Variants in HCRTR1 observed in about 807,000 individuals in gnomAD.
The protein encoded by HCRTR1 is orexin/Hypocretin receptor type 1.
A neutral mutation model predicts 40.6 loss-of-function variants in HCRTR1; 28 were observed. That is an observed-to-expected ratio of 0.69 (90% CI 0.51 to 0.95). HCRTR1 has a LOEUF of 0.95. Ranked by LOEUF, HCRTR1 falls within the 40% of genes least tolerant of loss-of-function variation. HCRTR1 has a pLI of 0.00. For missense variants in HCRTR1, 482 were observed against 564.7 expected (o/e 0.85, Z 1.48); for synonymous variants, 209 against 230.0 (o/e 0.91, Z 0.83).
At position 31,623,526 on chromosome 1, in the gene HCRTR1, C is replaced by T; in HGVS notation, c.742C>T (p.Pro248Ser). The stretch of plus-strand genomic sequence containing the variant: ...TGTCTCTATGTGTGCTGGACAGATC[C>T]CCGGCACCACCTCAGCACTGGTGCG... The part of the protein sequence containing the change: ...IFRKLWGRQI[P>S]GTTSALVRNW... The change falls in exon 7 of 9, where the codon CCC becomes TCC. Residue 248 changes from proline to serine, a missense_variant. Coordinates refer to ENST00000403528, the MANE Select transcript of HCRTR1 (RefSeq NM_001525.3). The T allele has an allele frequency of 6.2e-7, 1 of 1,611,520 alleles. No homozygotes were observed. The highest frequency in any genetic ancestry group is 8.5e-7 in the Non-Finnish European group (1 of 1,179,114).
chr1:31,632,062 A>G (rs1640119741), downstream of HCRTR1, among the ~76,000 whole-genome samples: 1 of 152,196 alleles, frequency 6.6e-6, no homozygotes, highest in Non-Finnish European at 1.5e-5. Context: ...CAGGGTCCCA[A>G]AAGTTGGGAA....
At chr1:31,622,278 G>C (rs764797416) in intron 6 of HCRTR1, among the ~76,000 whole-genome samples, 2 of 152,068 alleles carry the variant, frequency 1.3e-5, no homozygotes, top group Non-Finnish European at 2.9e-5. Flanking sequence ...CTGGATTGGC[G>C]TCTGGGCGGT....
At chr1:31,630,968 G>A (rs1640084285), downstream of HCRTR1, 10 of 793,912 alleles carry the variant, frequency 1.3e-5, no homozygotes, top group Non-Finnish European at 2.1e-5. Flanking sequence ...CACAAAGAGG[G>A]TAGAGAAATC....
At position 31,624,448 on chromosome 1, in the gene HCRTR1, C is replaced by CAAAAAAAAAAAAAAAAAAAAAAAAAA. The variant is rs11438872; in HGVS notation, c.966-526_966-525insAAAAAAAAAAAAAAAAAAAAAAAAAA. ...TCCAGCCTGGGTGACACAGCTGTCT[C>CAAAAAAAAAAAAAAAAAAAAAAAAAA]AAAAAAAAAAAAAAAAAAAAAAAGC... is the stretch of plus-strand genomic sequence containing the variant. On this transcript the variant is annotated intron_variant, in intron 7 of 8. Coordinates refer to ENST00000403528, the MANE Select transcript of HCRTR1 (RefSeq NM_001525.3). Among the ~76,000 whole-genome samples the CAAAAAAAAAAAAAAAAAAAAAAAAAA allele has an allele frequency of 1.8e-5, 2 of 111,046 alleles. 1 individual carries two copies. Among genetic ancestry groups the CAAAAAAAAAAAAAAAAAAAAAAAAAA allele is most frequent in the Non-Finnish European group, 3.3e-5 (2 of 60,742 alleles). The allele number at this position is 111,046 out of a possible 152,430, so 72.9% of individuals were successfully genotyped here. A position where few individuals can be genotyped will look rare whatever the true frequency, so the allele number is the denominator to read the frequency against.
At chr1:31,622,257 G>A (rs1029277892) in intron 6 of HCRTR1, among the ~76,000 whole-genome samples, 3 of 152,140 alleles carry the variant, frequency 2.0e-5, no homozygotes, top group Admixed American at 1.3e-4. Context: ...TTGGCCTAGC[G>A]AGTGGGAGTC....
Position 31,626,676 on chromosome 1 carries a change from C to T in HCRTR1, c.1088-114C>T. On this transcript the variant is annotated intron_variant, in intron 8 of 8. Transcript: ENST00000403528. This position sits in a 1 kb window ranked among gnomAD's most constrained non-coding sequence, Gnocchi z 4.6. Reference sequence around the variant, plus strand: ...CCCTCCCAGCTCTATCCCTCCCTCCCTCCCCGCCCCCTCATAGGCAGCTTG... The same window carrying T: ...CCCTCCCAGCTCTATCCCTCCCTCCTTCCCCGCCCCCTCATAGGCAGCTTG... 1 of 1,033,364 alleles carries T rather than the reference C, an allele frequency of 9.7e-7. No homozygotes were observed. The highest frequency in any genetic ancestry group is 1.4e-6 in the Non-Finnish European group (1 of 724,228). The allele number at this position is 1,033,364 out of a possible 1,614,324, so 64.0% of individuals were successfully genotyped here. A position where few individuals can be genotyped will look rare whatever the true frequency, so the allele number is the denominator to read the frequency against.
intron 4 of HCRTR1, among the ~76,000 whole-genome samples, chr1:31,620,484 G>A (rs1488435650): frequency 6.6e-6 from 1 of 152,186 alleles, no homozygotes. Context: ...AGGGGGGCAA[G>A]AGCGCTTTGT....
At chr1:31,618,428 G>C (rs1238320482) in intron 1 of HCRTR1, among the ~76,000 whole-genome samples, 1 of 152,134 alleles carries the variant, frequency 6.6e-6, no homozygotes, top group African/African-American at 2.4e-5. Flanking sequence ...CACCCCCACT[G>C]TGTGTGTGTT....
chr1:31,625,969 G>GA lies in HCRTR1; in HGVS notation c.1088-817dup, dbSNP rs776587465. Among the ~76,000 whole-genome samples the GA allele has an allele frequency of 3.3e-5, 5 of 152,358 alleles. No homozygotes were observed. In the East Asian group the frequency reaches 5.8e-4, roughly 18 times the overall value. On this transcript the variant is annotated intron_variant, in intron 8 of 8. Transcript: ENST00000403528. The surrounding 1 kb of genome is among the most constrained non-coding windows in gnomAD (Gnocchi z 4.2). ...AGGCTGGCTGCGGGTTTCCAGGTCA[G>GA]AAAAGAGAATAGATGATGAGCTGTG...
In HCRTR1 at chr1:31,625,187, C is replaced by T. The variant is rs569494806; in HGVS notation, c.1087+69C>T. 4.0e-5 allele frequency: 58 copies of T among 1,460,664 alleles called. No homozygotes were observed. Among genetic ancestry groups the T allele is most frequent in the Non-Finnish European group, 5.3e-5 (58 of 1,088,766 alleles). The allele number at this position is 1,460,664 out of a possible 1,614,324, so 90.5% of individuals were successfully genotyped here. ...TCCACATGACAAGTCTCCCCATCCC[C>T]AAGCCAGGGCCCAAATAAAGGATGG... is the stretch of plus-strand genomic sequence containing the variant. On this transcript the variant is annotated intron_variant, in intron 8 of 8. Coordinates refer to ENST00000403528, the MANE Select transcript of HCRTR1 (RefSeq NM_001525.3). The surrounding 1 kb of genome is among the most constrained non-coding windows in gnomAD (Gnocchi z 4.2).
chr1:31,627,959 G>C (rs1482975683), downstream of HCRTR1, among the ~76,000 whole-genome samples: 1 of 152,236 alleles, frequency 6.6e-6, no homozygotes, highest in East Asian at 1.9e-4. Flanking sequence ...ACCAAGGCTT[G>C]CGCCTATTTT....
rs1639949997 is a variant in HCRTR1 at position 31,625,169 on chromosome 1, G to A, written c.1087+51G>A. ...ACTGAGGGTGGCCAACAGTCCACAT[G>A]ACAAGTCTCCCCATCCCCAAGCCAG... On this transcript the variant is annotated intron_variant, in intron 8 of 8. Transcript: ENST00000403528. The surrounding 1 kb of genome is among the most constrained non-coding windows in gnomAD (Gnocchi z 4.2). 1.3e-6 allele frequency: 2 copies of A among 1,530,278 alleles called. No individual in the cohort carries two copies. The highest frequency in any genetic ancestry group is 1.8e-6 in the Non-Finnish European group (2 of 1,130,566). The allele number at this position is 1,530,278 out of a possible 1,614,324, so 94.8% of individuals were successfully genotyped here.
In HCRTR1 at chr1:31,626,949, T is replaced by A; in HGVS notation, c.1247T>A (p.Val416Glu). 1.2e-6 allele frequency: 2 copies of A among 1,613,202 alleles called. No individual in the cohort carries two copies. The highest frequency in any genetic ancestry group is 1.7e-6 in the Non-Finnish European group (2 of 1,179,974). Residue 416 changes from valine to glutamate, a missense_variant, in exon 9 of 9, where the codon GTG becomes GAG. Coordinates refer to ENST00000403528, the MANE Select transcript of HCRTR1 (RefSeq NM_001525.3). This position sits in a 1 kb window ranked among gnomAD's most constrained non-coding sequence, Gnocchi z 4.6. ...CSISKISEHV[V>E]LTSVTTVLP ...ATCTCCAAAATCTCTGAGCATGTGG[T>A]GCTCACCAGCGTCACCACAGTGCTG...
intron 6 of HCRTR1, among the ~76,000 whole-genome samples, chr1:31,622,797 G>T (rs1411756900): frequency 2.0e-5 from 3 of 152,142 alleles, no homozygotes; most frequent in African/African-American, 7.2e-5. Flanking sequence ...CTCACCCCTT[G>T]CCCAGGCCTC....
At chr1:31,627,763 A>C, downstream of HCRTR1, 1 of 217,164 alleles carries the variant, frequency 4.6e-6, no homozygotes, top group Non-Finnish European at 9.4e-6. Context: ...TCCCAGATGG[A>C]CTCAGCCAGG....
chr1:31,622,220 T>C (rs547997620), intron 6 of HCRTR1, among the ~76,000 whole-genome samples: 2 of 152,278 alleles, frequency 1.3e-5, no homozygotes, highest in African/African-American at 2.4e-5. Context: ...TCTTAGGTTT[T>C]TGGGGGGCAG....
chr1:31,632,635 A>G (rs1557584621), downstream of HCRTR1: 2 of 1,613,762 alleles, frequency 1.2e-6, no homozygotes, highest in East Asian at 2.2e-5. Context: ...CTTGTCAAAC[A>G]TGTCTGAAGG....
downstream of HCRTR1, chr1:31,630,576 G>C (rs371188518): frequency 7.4e-5 from 117 of 1,578,506 alleles, no homozygotes; most frequent in Non-Finnish European, 9.7e-5. Context: ...AGCCAGGAAA[G>C]GTCCCTGGTG....
Position 31,626,207 on chromosome 1 carries a change from C to G in HCRTR1, c.1088-583C>G, listed in dbSNP as rs968939858. Among the ~76,000 whole-genome samples the G allele has an allele frequency of 2.0e-5, 3 of 152,164 alleles. No individual in the cohort carries two copies. The highest frequency in any genetic ancestry group is 7.2e-5 in the African/African-American group (3 of 41,426). The stretch of plus-strand genomic sequence containing the variant: ...GTGTGGTGGTCCCTCCTTCCCTCCT[C>G]CCCCTTGAGAAGGGCTTTGGAATTA... On this transcript the variant is annotated intron_variant, in intron 8 of 8. Transcript: ENST00000403528. The surrounding 1 kb of genome is among the most constrained non-coding windows in gnomAD (Gnocchi z 4.6).
Sources: gnomAD v4.1 joint callset for allele counts (sites outside exome capture counted in the v4.1 genomes callset) on GRCh38, gnomAD v4.1.1 for gene constraint, Gnocchi (gnomAD v3.1) non-coding constraint, MANE v1.5 for transcripts, NCBI Gene and HGNC (gene_info 2026-07-23, HGNC 2026-07-21) for gene names.